The following POLI variants were observed in gnomAD, a reference collection of about 807,000 sequenced individuals.
POLI encodes the protein RAD30 homolog B.
POLI carries 58 observed loss-of-function variants against 51.6 expected under a neutral mutation model. The observed-to-expected ratio is 1.12, with a 90% confidence interval of 0.91 to 1.40. The LOEUF is 1.40. Among genes scored for constraint, POLI ranks in the 40% most tolerant of loss-of-function variants. The probability of loss-of-function intolerance (pLI) is 0.00; values close to 1 mark genes in which losing one functional copy is unlikely to be tolerated. For synonymous variants in POLI, 322 were observed against 299.7 expected, an observed-to-expected ratio of 1.07 and a Z score of -0.77; for missense variants, 921 against 871.3, an observed-to-expected ratio of 1.06 and a Z score of -0.72.
At chr18:54,277,287 A>C (rs1319745501) in intron 3 of POLI, among the ~76,000 whole-genome samples, 1 of 152,212 alleles carries the variant, frequency 6.6e-6, no homozygotes, top group Admixed American at 6.5e-5. Flanking sequence ...GCCTCTTTTA[A>C]ACTCTTGGAG....
At chr18:54,311,708 A>AT (rs1464476278) in intron 3 of POLI, among the ~76,000 whole-genome samples, 1 of 152,194 alleles carries the variant, frequency 6.6e-6, no homozygotes, top group African/African-American at 2.4e-5. Flanking sequence ...CAGAATCTGT[A>AT]TATTTACTAA....
At chr18:54,306,469 G>A (rs555477273) in intron 3 of POLI, among the ~76,000 whole-genome samples, 16 of 152,182 alleles carry the variant, frequency 1.1e-4, no homozygotes, top group South Asian at 1.0e-3. Flanking sequence ...TGCTGGATTC[G>A]GTTTGCCAGT....
exon 5 of POLI, chr18:54,321,204 A>G (rs1437316196): frequency 6.6e-6 from 1 of 152,194 alleles, no homozygotes; most frequent in Non-Finnish European, 1.5e-5. Flanking sequence ...AATTCTGTTC[A>G]TCTTTATCAT....
At chr18:54,284,592 T>C (rs144481068) in intron 7 of POLI, 95 of 152,298 alleles carry the variant, frequency 6.2e-4, no homozygotes, top group African/African-American at 2.3e-3. Flanking sequence ...TTGTGATTGT[T>C]GAGGATAGGA....
In POLI at chr18:54,285,376, A is replaced by G. The variant is rs1007154177; in HGVS notation, c.1067+1363A>G. ...ACCCAGAAGTGAGACCAGGTGCTCT[A>G]AACCTGTGACATACAAAACCTGTGA... On this transcript the variant is annotated intron_variant, in intron 7 of 9. Transcript: ENST00000579534. 5.3e-5 allele frequency among the ~76,000 whole-genome samples: 8 copies of G among 152,294 alleles called. No homozygotes were observed. In the East Asian group the frequency reaches 1.5e-3, roughly 29 times the overall value.
intron 8 of POLI, among the ~76,000 whole-genome samples, chr18:54,290,134 A>G (rs2087935593): frequency 6.6e-6 from 1 of 152,242 alleles, no homozygotes; most frequent in Non-Finnish European, 1.5e-5. Flanking sequence ...ATTTACAAGA[A>G]AAAAGCAAAC....
At chr18:54,277,039 A>G (rs1268020793) in intron 3 of POLI, among the ~76,000 whole-genome samples, 1 of 152,066 alleles carries the variant, frequency 6.6e-6, no homozygotes, top group Admixed American at 6.6e-5. Context: ...GTTTTTTTGA[A>G]TTTATTTTGA....
chr18:54,280,015 A>T (rs1263111610), intron 4 of POLI, among the ~76,000 whole-genome samples: 2 of 152,146 alleles, frequency 1.3e-5, no homozygotes, highest in African/African-American at 4.8e-5. Flanking sequence ...AAGCACTCCC[A>T]CTACACAGTC....
intron 3 of POLI, among the ~76,000 whole-genome samples, chr18:54,277,466 A>G (rs958785168): frequency 9.9e-5 from 15 of 152,218 alleles, no homozygotes; most frequent in Non-Finnish European, 1.9e-4. Context: ...ATATATTGCC[A>G]TGAATAACTG....
At chr18:54,290,320 C>G (rs1030244154) in intron 8 of POLI, among the ~76,000 whole-genome samples, 1 of 152,164 alleles carries the variant, frequency 6.6e-6, no homozygotes, top group Non-Finnish European at 1.5e-5. Flanking sequence ...ATTAAAAAGT[C>G]AGGAAACAAC....
At chr18:54,319,612 G>C (rs1459621831) in intron 3 of POLI, among the ~76,000 whole-genome samples, 2 of 152,082 alleles carry the variant, frequency 1.3e-5, no homozygotes, top group African/African-American at 2.4e-5. Flanking sequence ...TTGGATACCA[G>C]TATTACTTAC....
chr18:54,320,340 G>C (rs1485422590), exon 4 of POLI: 4 of 152,162 alleles, frequency 2.6e-5, no homozygotes, highest in Non-Finnish European at 5.9e-5. Flanking sequence ...AACTTGTGAA[G>C]CTAGAGGGTG....
rs963600104 is a variant in POLI, at chr18:54,294,869, G to C, written c.*402G>C. 1 of 983,416 alleles carries C rather than the reference G, an allele frequency of 1.0e-6. No homozygotes were observed. The highest frequency in any genetic ancestry group is 6.2e-5 in the Admixed American group (1 of 16,172). 60.9% of individuals were successfully genotyped at this position (983,416 alleles called of 1,614,324 possible). A position where few individuals can be genotyped will look rare whatever the true frequency, so the allele number is the denominator to read the frequency against. On this transcript the variant is annotated 3_prime_UTR_variant, in exon 10 of 10. Transcript: ENST00000579534. ...GGAATATCTCAAATTCAGCCTCTTA[G>C]GCTGAATAGCAAATCCTACTGCCAA... is the stretch of plus-strand genomic sequence containing the variant.
At position 54,291,899 on chromosome 18, in the gene POLI, T is replaced by C. The variant is rs750459725; in HGVS notation, c.1265T>C (p.Val422Ala). Reference protein sequence around the residue: ...LMKLFRNMVNVKMPFHLTLLS... With the variant: ...LMKLFRNMVNAKMPFHLTLLS... ...AAACTTTTTCGAAATATGGTGAATG[T>C]GAAGATGCCATTTCACCTTACCCTT... is the stretch of plus-strand genomic sequence containing the variant. The change falls in exon 9 of 10, where the codon GTG becomes GCG. Residue 422 changes from valine (V) to alanine (A), a missense_variant. Coordinates refer to ENST00000579534, the MANE Select transcript of POLI (RefSeq NM_007195.3). 2 of 1,608,926 alleles carry C rather than the reference T, an allele frequency of 1.2e-6. No individual in the cohort carries two copies. Among genetic ancestry groups the C allele is most frequent in the South Asian group, 1.1e-5 (1 of 90,942 alleles).
In POLI at chr18:54,294,747, G is replaced by T. The variant is rs1392502538; in HGVS notation, c.*280G>T. Reference sequence around the variant, plus strand: ...CAACATAGAATATTTTTCATGAATTGGTGGGGAGATGTATATGTTTATATA... The same window carrying T: ...CAACATAGAATATTTTTCATGAATTTGTGGGGAGATGTATATGTTTATATA... On this transcript the variant is annotated 3_prime_UTR_variant, in exon 10 of 10. Transcript: ENST00000579534. 2 of 1,019,220 alleles carry T rather than the reference G, an allele frequency of 2.0e-6. No individual in the cohort carries two copies. The highest frequency in any genetic ancestry group is 2.4e-6 in the Non-Finnish European group (2 of 845,632). 63.1% of individuals were successfully genotyped at this position (1,019,220 alleles called of 1,614,324 possible). A position where few individuals can be genotyped will look rare whatever the true frequency, so the allele number is the denominator to read the frequency against.
chr18:54,290,850 A>G (rs1305221307), intron 8 of POLI, among the ~76,000 whole-genome samples: 1 of 152,202 alleles, frequency 6.6e-6, no homozygotes, highest in East Asian at 1.9e-4. Context: ...TGAGGGAGGG[A>G]TAGCATTAGG....
At chr18:54,304,914 A>G (rs1022990541) in intron 3 of POLI, among the ~76,000 whole-genome samples, 9 of 152,184 alleles carry the variant, frequency 5.9e-5, no homozygotes, top group Non-Finnish European at 1.3e-4. Context: ...TTAAGTCTTT[A>G]ATCCATCTTG....
chr18:54,287,413 T>G lies in POLI; in HGVS notation c.1198+2T>G. ...ATGTAATTCAGAAATTAGGGACAGG[T>G]ATGGACTAGTTTTCCAACAGTTTCA... is the stretch of plus-strand genomic sequence containing the variant. On this transcript the variant is annotated splice_donor_variant, in intron 8 of 9. Coordinates refer to ENST00000579534, the MANE Select transcript of POLI (RefSeq NM_007195.3). LOFTEE classifies it high-confidence loss of function. 1 of 1,606,242 alleles carries G rather than the reference T, an allele frequency of 6.2e-7. No homozygotes were observed. Among genetic ancestry groups the G allele is most frequent in the South Asian group, 1.1e-5 (1 of 89,700 alleles).
At chr18:54,313,240 A>G (rs2088692782) in intron 3 of POLI, among the ~76,000 whole-genome samples, 2 of 152,090 alleles carry the variant, frequency 1.3e-5, no homozygotes, top group South Asian at 4.1e-4. Flanking sequence ...ATCAACTTTG[A>G]CAAAGATCAG....
Sources: allele counts gnomAD v4.1 joint callset (sites outside exome capture counted in the v4.1 genomes callset), GRCh38; gene constraint gnomAD v4.1.1; transcripts MANE v1.5; gene names NCBI Gene and HGNC (gene_info 2026-07-23, HGNC 2026-07-21).